UHRF1: variants seen among roughly 807,000 people sequenced by gnomAD.
UHRF1 encodes E3 ubiquitin-protein ligase UHRF1.
Under a neutral mutation model 96.5 loss-of-function variants are expected in UHRF1, and 9 were observed. That is an observed-to-expected ratio of 0.09 (90% CI 0.06 to 0.16). The LOEUF (loss-of-function observed/expected upper bound fraction) is 0.16. Ranked by LOEUF, UHRF1 falls within the 10% of genes least tolerant of loss-of-function variation. The probability of loss-of-function intolerance (pLI) is 1.00; values close to 1 mark genes in which losing one functional copy is unlikely to be tolerated. For missense variants in UHRF1, 626 were observed against 1,131.1 expected (o/e 0.55, Z 6.40); for synonymous variants, 455 against 469.9 (o/e 0.97, Z 0.41).
intron 5 of UHRF1, among the ~76,000 whole-genome samples, chr19:4,937,195 T>TC (rs536049252): frequency 1.4e-4 from 21 of 152,200 alleles, no homozygotes; most frequent in African/African-American, 4.8e-4. Flanking sequence ...ATTCTTTTTT[T>TC]CCCGACTCTC....
intron 16 of UHRF1, among the ~76,000 whole-genome samples, chr19:4,960,187 A>G (rs2033953746): frequency 6.6e-6 from 1 of 152,230 alleles, no homozygotes; most frequent in Non-Finnish European, 1.5e-5. Context: ...TACTGTATAC[A>G]CTGTGCTTGG....
At chr19:4,948,382 A>G (rs948830182) in intron 11 of UHRF1, among the ~76,000 whole-genome samples, 1 of 152,218 alleles carries the variant, frequency 6.6e-6, no homozygotes, top group Admixed American at 6.5e-5. Context: ...TTATCTAAAC[A>G]TTATAAATAT....
intron 2 of UHRF1, among the ~76,000 whole-genome samples, chr19:4,925,101 A>G (rs1219027468): frequency 1.3e-5 from 2 of 152,010 alleles, no homozygotes; most frequent in Non-Finnish European, 2.9e-5. Flanking sequence ...TGTTGAGATG[A>G]CGGGCGTGAG....
chr19:4,955,313 G>A (rs866639068), intron 15 of UHRF1, among the ~76,000 whole-genome samples: 3 of 152,240 alleles, frequency 2.0e-5, no homozygotes, highest in Admixed American at 1.3e-4. Context: ...CCTTTCCCAA[G>A]GTCTAGAGGC....
At chr19:4,932,991 C>T (rs2033105025) in intron 5 of UHRF1, 35 bp downstream of exon 5, 1 of 1,554,376 alleles carries the variant, frequency 6.4e-7, no homozygotes. Context: ...CCCTTCCTCT[C>T]TCCTTTCCTC....
chr19:4,943,658 C>CTT (rs72107646), intron 7 of UHRF1, among the ~76,000 whole-genome samples: 16 of 149,462 alleles, frequency 1.1e-4, no homozygotes, highest in African/African-American at 3.9e-4. Context: ...AACCTGCTTT[C>CTT]TTTTTTTTTT....
chr19:4,931,530 T>C (rs1404963388), intron 4 of UHRF1, among the ~76,000 whole-genome samples: 1 of 151,708 alleles, frequency 6.6e-6, no homozygotes, highest in Non-Finnish European at 1.5e-5. Context: ...TGCAATGGCG[T>C]GGTCTCAGCT....
intron 15 of UHRF1, among the ~76,000 whole-genome samples, 160 bp from the exon 16 acceptor site, chr19:4,956,547 CCT>C (rs1373256021): frequency 6.6e-6 from 1 of 152,160 alleles, no homozygotes. Context: ...GCCTGTTGGG[CCT>C]CTGTTTTTCT....
chr19:4,925,690 T>A (rs2032845540), intron 2 of UHRF1, among the ~76,000 whole-genome samples: 2 of 151,636 alleles, frequency 1.3e-5, no homozygotes, highest in African/African-American at 2.4e-5. Context: ...CCCAGTTAAG[T>A]TTTGTATCTT....
chr19:4,954,929 C>A lies in UHRF1; in HGVS notation c.2130+107C>A. ...TTTTCAAGTGTACAGCTCAGTCGCA[C>A]TGAGTACATTCTTGTGGTTGTGCAA... On this transcript the variant is annotated intron_variant, in intron 15 of 16. Coordinates refer to ENST00000650932, the MANE Select transcript of UHRF1 (RefSeq NM_001048201.3). This position sits in a 1 kb window ranked among gnomAD's most constrained non-coding sequence, Gnocchi z 5.9. 7.2e-7 allele frequency: 1 copy of A among 1,381,856 alleles called. No individual in the cohort carries two copies. The highest frequency in any genetic ancestry group is 1.0e-6 in the Non-Finnish European group (1 of 997,480). The allele number at this position is 1,381,856 out of a possible 1,614,324, so 85.6% of individuals were successfully genotyped here.
At position 4,954,803 on chromosome 19, in the gene UHRF1, G is replaced by A. The variant is rs763773172; in HGVS notation, c.2111G>A (p.Arg704Gln). ...GAGGTCCTGGCGTCACTCAAGGACC[G>A]GCCGGCGAGCGGCAGCCCGGTAGGC... is the stretch of plus-strand genomic sequence containing the variant. ...WNEVLASLKDRPASGSPFQLF... is the reference protein window; with the variant it reads ...WNEVLASLKDQPASGSPFQLF... The change falls in exon 15 of 17, where the codon CGG (arginine) becomes CAG (glutamine). Residue 704 changes from arginine (R) to glutamine (Q), a missense_variant. By Grantham distance (43) the Arg-to-Gln change is conservative. Transcript: ENST00000650932. This position sits in a 1 kb window ranked among gnomAD's most constrained non-coding sequence, Gnocchi z 5.9. 1.7e-5 allele frequency: 28 copies of A among 1,613,556 alleles called. No homozygotes were observed. The highest frequency in any genetic ancestry group is 3.3e-5 in the Admixed American group (2 of 59,946).
intron 11 of UHRF1, among the ~76,000 whole-genome samples, 177 bp downstream of exon 11, chr19:4,947,388 C>T (rs979000258): frequency 6.6e-5 from 10 of 151,798 alleles, no homozygotes; most frequent in African/African-American, 2.4e-4. Context: ...CAGGCGTGAG[C>T]CACTGCGCCT....
chr19:4,950,786 T>G lies in UHRF1; in HGVS notation c.1680+13T>G. 6.2e-7 allele frequency: 1 copy of G among 1,613,574 alleles called. No individual in the cohort carries two copies. Among genetic ancestry groups the G allele is most frequent in the East Asian group, 2.2e-5 (1 of 44,876 alleles). On this transcript the variant is annotated intron_variant, in intron 12 of 16. Transcript: ENST00000650932. ...TGGCATCTACAAGGTGAGTGCCCCTTGAGGAGGCCGGGGGCTCTGTCCCCG... is the reference window on the plus strand; with the variant it reads ...TGGCATCTACAAGGTGAGTGCCCCTGGAGGAGGCCGGGGGCTCTGTCCCCG...
intron 2 of UHRF1, among the ~76,000 whole-genome samples, chr19:4,927,410 T>G (rs1340012830): frequency 6.6e-6 from 1 of 150,530 alleles, no homozygotes; most frequent in South Asian, 2.1e-4. Flanking sequence ...AAAATTTTTT[T>G]CTGGAAAAGA....
In UHRF1 at chr19:4,945,926, G is replaced by T. The variant is rs374120623; in HGVS notation, c.1371G>T (p.Ala457=). ...TACACGGCCGGAGCAACGACGGAGC[G>T]TACTCCCTAGTCCTGGCGGGGGGCT... is the stretch of plus-strand genomic sequence containing the variant. The part of the protein sequence containing the change: ...AGIHGRSNDG[A]YSLVLAGGYE... The change falls in exon 10 of 17, where the codon GCG becomes GCT. Residue 457 remains alanine, a synonymous_variant. Coordinates refer to ENST00000650932, the MANE Select transcript of UHRF1 (RefSeq NM_001048201.3). 2 of 1,590,436 alleles carry T rather than the reference G, an allele frequency of 1.3e-6. No homozygotes were observed. The highest frequency in any genetic ancestry group is 2.7e-5 in the African/African-American group (2 of 73,106).
chr19:4,953,087 C>T (rs764146801), intron 13 of UHRF1, among the ~76,000 whole-genome samples: 24 of 152,184 alleles, frequency 1.6e-4, no homozygotes, highest in Admixed American at 9.8e-4. Flanking sequence ...CACCCGCGTT[C>T]GCTCACATTA....
rs992559029 is a variant in UHRF1, at chr19:4,950,503, C to G, written c.1518-108C>G. ...AGGCGATCTGCCTACTTCAGCCTCC[C>G]AAAGTGCTGGGATTACAGGCCTGAG... On this transcript the variant is annotated intron_variant, in intron 11 of 16. Transcript: ENST00000650932. The G allele has an allele frequency of 4.8e-6, 6 of 1,262,238 alleles. No homozygotes were observed. The East Asian group carries it at 1.5e-4, about 32-fold the overall frequency. The allele number at this position is 1,262,238 out of a possible 1,614,324, so 78.2% of individuals were successfully genotyped here.
chr19:4,924,159 T>A lies in UHRF1; in HGVS notation c.154-5063T>A, dbSNP rs375468607. Among the ~76,000 whole-genome samples the A allele has an allele frequency of 1.2e-4, 19 of 152,132 alleles. No homozygotes were observed. In the East Asian group the frequency reaches 2.1e-3, roughly 17 times the overall value. The stretch of plus-strand genomic sequence containing the variant: ...TTTTTTAATTAATTTTTAATTTTTT[T>A]ATTTTTTTGAGACGGAGTCTCGCTC... On this transcript the variant is annotated intron_variant, in intron 2 of 16. Transcript: ENST00000650932.
intron 16 of UHRF1, 94 bp from the exon 17 acceptor site, chr19:4,960,563 C>A: frequency 6.6e-7 from 1 of 1,512,254 alleles, no homozygotes. Flanking sequence ...GCCTCTGGAC[C>A]TGGTGAGACT....
Sources: gnomAD v4.1 joint callset for allele counts (sites outside exome capture counted in the v4.1 genomes callset) on GRCh38, gnomAD v4.1.1 for gene constraint, Gnocchi (gnomAD v3.1) non-coding constraint, MANE v1.5 for transcripts, NCBI Gene and HGNC (gene_info 2026-07-23, HGNC 2026-07-21) for gene names.